SLC35F2: variants seen among roughly 807,000 people sequenced by gnomAD.
The protein encoded by SLC35F2 is queuine/queuosine transporter SLC35F2.
In SLC35F2, 25 loss-of-function variants were observed where a neutral mutation model predicts 38.1. The observed-to-expected ratio is 0.66, with a 90% CI of 0.48 to 0.92. SLC35F2 has a LOEUF of 0.92. Among genes scored for constraint, SLC35F2 ranks in the 40% least tolerant of loss-of-function variants. The probability of loss-of-function intolerance (pLI) is 0.00; values close to 1 mark genes in which losing one functional copy is unlikely to be tolerated. For missense variants in SLC35F2, 409 were observed against 452.9 expected (o/e 0.90, Z 0.88); for synonymous variants, 173 against 181.7 (o/e 0.95, Z 0.38).
At chr11:107,850,895 C>A (rs185050102) in intron 1 of SLC35F2, among the ~76,000 whole-genome samples, 233 of 152,022 alleles carry the variant, frequency 1.5e-3, no homozygotes, top group African/African-American at 5.4e-3. Flanking sequence ...CACCTGTAAT[C>A]CCAGCACTTT....
At chr11:107,857,180 G>T (rs1320969392) in intron 1 of SLC35F2, among the ~76,000 whole-genome samples, 1 of 132,810 alleles carries the variant, frequency 7.5e-6, no homozygotes, top group African/African-American at 2.8e-5. Context: ...TAAGTGACTT[G>T]TCCAAGACGG....
At chr11:107,818,571 T>C (rs1859619585) in intron 1 of SLC35F2, among the ~76,000 whole-genome samples, 1 of 152,218 alleles carries the variant, frequency 6.6e-6, no homozygotes, top group Non-Finnish European at 1.5e-5. Flanking sequence ...TAGTATTGTT[T>C]CAAAATTTTA....
rs1165799468 is a variant in SLC35F2 at position 107,811,734 on chromosome 11, A to C, written c.347T>G (p.Leu116Arg). The C allele has an allele frequency of 6.2e-7, 1 of 1,613,192 alleles. No homozygotes were observed. The change falls in exon 3 of 8, where the codon CTA (leucine) becomes CGA (arginine). Residue 116 changes from leucine (L) to arginine (R), a missense_variant. Coordinates refer to ENST00000525815, the MANE Select transcript of SLC35F2 (RefSeq NM_017515.5). The part of the protein sequence containing the change: ...RKWWKYILLG[L>R]ADVEANYVIV... ...CACATAATTAGCTTCCACATCTGCT[A>C]GTCCCAGCAGGATGTACTTCCACCA...
intron 3 of SLC35F2, chr11:107,811,065 G>A: frequency 1.0e-6 from 1 of 984,702 alleles, no homozygotes; most frequent in Non-Finnish European, 1.2e-6. Context: ...GTCAGTAATG[G>A]TGAGTCAGTG....
At chr11:107,853,671 G>C (rs1157507493) in intron 1 of SLC35F2, among the ~76,000 whole-genome samples, 1 of 133,120 alleles carries the variant, frequency 7.5e-6, no homozygotes, top group Non-Finnish European at 1.5e-5. Flanking sequence ...AGTGAGCCGA[G>C]ATCGCGCCAC....
intron 2 of SLC35F2, among the ~76,000 whole-genome samples, chr11:107,813,374 G>A (rs1006579847): frequency 3.9e-5 from 6 of 152,168 alleles, no homozygotes; most frequent in Non-Finnish European, 7.3e-5. Flanking sequence ...GAACCCAGGA[G>A]GCAGAGGTTG....
At chr11:107,838,443 G>A (rs545126974) in intron 1 of SLC35F2, among the ~76,000 whole-genome samples, 90 of 152,034 alleles carry the variant, frequency 5.9e-4, no homozygotes, top group African/African-American at 2.0e-3. Context: ...TCCTGACTCA[G>A]CCTCCCGAGT....
In SLC35F2 at chr11:107,803,415, G is replaced by T. The variant is rs1166952694; in HGVS notation, c.785-260C>A. 3 of 985,142 alleles carry T rather than the reference G, an allele frequency of 3.0e-6. No individual in the cohort carries two copies. The African/African-American group carries it at 5.2e-5, about 17-fold the overall frequency. 61.0% of individuals were successfully genotyped at this position (985,142 alleles called of 1,614,324 possible). ...TCAAGGTCAGAAAATCCTGCTTATG[G>T]TGTGACAGTCCATTGCTCTTAATCA... On this transcript the variant is annotated intron_variant, in intron 6 of 7. Coordinates refer to ENST00000525815, the MANE Select transcript of SLC35F2 (RefSeq NM_017515.5).
chr11:107,821,843 T>C (rs1859676896), intron 1 of SLC35F2, among the ~76,000 whole-genome samples: 2 of 152,304 alleles, frequency 1.3e-5, no homozygotes, highest in South Asian at 4.2e-4. Flanking sequence ...ACAAGAGTTA[T>C]GGATCACTGA....
At chr11:107,820,148 C>T (rs1029529923) in intron 1 of SLC35F2, among the ~76,000 whole-genome samples, 1 of 151,076 alleles carries the variant, frequency 6.6e-6, no homozygotes, top group African/African-American at 2.4e-5. Flanking sequence ...CCCAGCTTCT[C>T]GGAGGCTGAG....
At chr11:107,822,554 C>T (rs1859689687) in intron 1 of SLC35F2, among the ~76,000 whole-genome samples, 1 of 152,100 alleles carries the variant, frequency 6.6e-6, no homozygotes, top group African/African-American at 2.4e-5. Flanking sequence ...CTGTGTGCCC[C>T]CACAAAATAC....
intron 1 of SLC35F2, among the ~76,000 whole-genome samples, chr11:107,839,769 T>C (rs1295017022): frequency 6.6e-6 from 1 of 152,146 alleles, no homozygotes; most frequent in East Asian, 1.9e-4. Context: ...TTCTCTTGCC[T>C]CAGCCTCCTA....
chr11:107,799,897 T>TTC (rs1565427207), intron 7 of SLC35F2, among the ~76,000 whole-genome samples: 141 of 114,226 alleles, frequency 1.2e-3, no homozygotes, highest in African/African-American at 3.9e-3. Context: ...GTTTTTGTTT[T>TTC]TTTTTTTTTG....
At chr11:107,839,002 T>C (rs1179244656) in intron 1 of SLC35F2, among the ~76,000 whole-genome samples, 6 of 152,156 alleles carry the variant, frequency 3.9e-5, no homozygotes, top group Non-Finnish European at 8.8e-5. Flanking sequence ...TGTTGAAAAA[T>C]AGTTGTAACA....
chr11:107,834,660 T>C (rs968162677), intron 1 of SLC35F2, among the ~76,000 whole-genome samples: 1 of 151,784 alleles, frequency 6.6e-6, no homozygotes, highest in Admixed American at 6.6e-5. Context: ...CAAAGAAAAA[T>C]AAAATGAATG....
At chr11:107,825,891 T>TAATAATA (rs1859747096) in intron 1 of SLC35F2, among the ~76,000 whole-genome samples, 1 of 152,156 alleles carries the variant, frequency 6.6e-6, no homozygotes, top group Non-Finnish European at 1.5e-5. Flanking sequence ...GGTAAAAGCG[T>TAATAATA]AAAATAATAA....
At chr11:107,825,182 A>G (rs1271230444) in intron 1 of SLC35F2, among the ~76,000 whole-genome samples, 1 of 152,036 alleles carries the variant, frequency 6.6e-6, no homozygotes, top group Non-Finnish European at 1.5e-5. Flanking sequence ...GTTTTATTCT[A>G]TTTTAATTCA....
chr11:107,841,053 A>C (rs1237724414), intron 1 of SLC35F2, among the ~76,000 whole-genome samples: 1 of 152,116 alleles, frequency 6.6e-6, no homozygotes, highest in African/African-American at 2.4e-5. Flanking sequence ...TCCTAATTTA[A>C]TCCAGACAAC....
At chr11:107,792,905 TTTTC>T (rs148577551) in intron 7 of SLC35F2, 105 bp from the exon 8 acceptor site, 104,062 of 1,335,186 alleles carry the variant, frequency 0.078, 7,472 homozygotes, top group East Asian at 0.37. Context: ...AATCTTTTTA[TTTTC>T]TTTCTTTCTT....
Sources: allele counts gnomAD v4.1 joint callset (sites outside exome capture counted in the v4.1 genomes callset), GRCh38; gene constraint gnomAD v4.1.1; transcripts MANE v1.5; gene names NCBI Gene and HGNC (gene_info 2026-07-23, HGNC 2026-07-21).